The following FZD4 variants were observed in gnomAD, a reference collection of about 807,000 sequenced individuals.
FZD4 encodes the protein frizzled class receptor 4.
FZD4 carries 16 observed loss-of-function variants against 37.3 expected under a neutral mutation model. That is an observed-to-expected ratio of 0.43 (90% confidence interval 0.29 to 0.65). The LOEUF (loss-of-function observed/expected upper bound fraction) is 0.65, where lower values mean the gene tolerates loss of function less well. Ranked by LOEUF, FZD4 falls within the 30% of genes least tolerant of loss-of-function variation. FZD4 has a pLI of 0.16. For synonymous variants in FZD4, 246 were observed against 254.8 expected (o/e 0.97, Z 0.33); for missense variants, 599 against 674.3 (o/e 0.89, Z 1.24).
chr11:86,953,061 G>C (rs951912629), intron 1 of FZD4, among the ~76,000 whole-genome samples: 2 of 152,206 alleles, frequency 1.3e-5, no homozygotes, highest in Non-Finnish European at 2.9e-5. Flanking sequence ...CTAGGGATTT[G>C]TTTGGCCAGG....
At position 86,951,307 on chromosome 11, in the gene FZD4, CAT is replaced by C; in HGVS notation, c.1447_1448del (p.Met483ValfsTer51). On this transcript the variant is annotated frameshift_variant, in exon 2 of 2. Coordinates refer to ENST00000531380, the MANE Select transcript of FZD4 (RefSeq NM_012193.4). LOFTEE classifies it high-confidence loss of function. Reference sequence around the variant, plus strand: ...CTGAAGTGATGCCCACCAACAAAGACATAAAAATTTTCAACATTTCAACAGCC... The same window carrying C: ...CTGAAGTGATGCCCACCAACAAAGACAAAAATTTTCAACATTTCAACAGCC... The part of the protein sequence containing the change: ...NMAVEMLKIF[M>X]SLLVGITSGM... 1 of 1,614,112 alleles carries C rather than the reference CAT, an allele frequency of 6.2e-7. No individual in the cohort carries two copies. Among genetic ancestry groups the C allele is most frequent in the Non-Finnish European group, 8.5e-7 (1 of 1,179,994 alleles).
rs1949291925 is a variant in FZD4 at position 86,951,496 on chromosome 11, A to C, written c.1260T>G (p.Leu420=). ...TGTCTGTCTTTGTCCCATCCTTTTGAAGATTTGACCGAATTTTGAACAAGG... is the reference window on the plus strand; with the variant it reads ...TGTCTGTCTTTGTCCCATCCTTTTGCAGATTTGACCGAATTTTGAACAAGG... The part of the protein sequence containing the change: ...LVALFKIRSN[L]QKDGTKTDKL... Residue 420 remains leucine (L), a synonymous_variant, in exon 2 of 2, where the codon CTT becomes CTG. Transcript: ENST00000531380. 1.2e-6 allele frequency: 2 copies of C among 1,614,154 alleles called. No individual in the cohort carries two copies. Among genetic ancestry groups the C allele is most frequent in the African/African-American group, 1.3e-5 (1 of 75,020 alleles).
chr11:86,947,115 A>C lies in FZD4; in HGVS notation c.*4027T>G, dbSNP rs1949249868. Reference sequence around the variant, plus strand: ...CTCCTCAGGAGGCTGTGGCAGGAGAATCACTTGAACCCAGGAGGCAGAGGT... The same window carrying C: ...CTCCTCAGGAGGCTGTGGCAGGAGACTCACTTGAACCCAGGAGGCAGAGGT... On this transcript the variant is annotated 3_prime_UTR_variant, in exon 2 of 2. Coordinates refer to ENST00000531380, the MANE Select transcript of FZD4 (RefSeq NM_012193.4). The C allele has an allele frequency of 6.5e-6, 1 of 154,436 alleles. No homozygotes were observed. The highest frequency in any genetic ancestry group is 1.4e-5 in the Non-Finnish European group (1 of 69,628). The allele number at this position is 154,436 out of a possible 1,614,324, so 9.6% of individuals were successfully genotyped here.
chr11:86,955,116 C>T lies in FZD4; in HGVS notation c.-31G>A. 1.4e-6 allele frequency: 2 copies of T among 1,443,054 alleles called. No homozygotes were observed. Among genetic ancestry groups the T allele is most frequent in the Non-Finnish European group, 1.8e-6 (2 of 1,102,614 alleles). 89.4% of individuals were successfully genotyped at this position (1,443,054 alleles called of 1,614,324 possible). On this transcript the variant is annotated 5_prime_UTR_variant, in exon 1 of 2. Transcript: ENST00000531380. ...GCATCGGGGGTAGCAGCGGCAGCGG[C>T]TGGGGCTGCTCTGGCAGACACCCCC... is the stretch of plus-strand genomic sequence containing the variant.
In FZD4 at chr11:86,955,233, A is replaced by G. The variant is rs866579471; in HGVS notation, c.-148T>C. ...ACGAGGGGGCAGCGGCCGGCTCTCC[A>G]GCAGCTGCGCGCGACTGTGTGGGAT... On this transcript the variant is annotated 5_prime_UTR_variant, in exon 1 of 2. Coordinates refer to ENST00000531380, the MANE Select transcript of FZD4 (RefSeq NM_012193.4). 5.5e-5 allele frequency: 32 copies of G among 576,654 alleles called. 1 individual carries two copies. In the South Asian group the frequency reaches 5.7e-4, roughly 10 times the overall value. 35.7% of individuals were successfully genotyped at this position (576,654 alleles called of 1,614,324 possible).
chr11:86,954,374 C>A lies in FZD4; in HGVS notation c.285+427G>T, dbSNP rs545446073. ...AGCAGAAAAAGGTGCAGTAGTGTTT[C>A]ATTTAATAACACCCCAAAAATAGTG... On this transcript the variant is annotated intron_variant, in intron 1 of 1. Transcript: ENST00000531380. 2,067 of 985,246 alleles carry A rather than the reference C, an allele frequency of 2.1e-3. 3 individuals are homozygous for A. Among genetic ancestry groups the A allele is most frequent in the Admixed American group, 4.9e-3 (79 of 16,284 alleles). The allele number at this position is 985,246 out of a possible 1,614,324, so 61.0% of individuals were successfully genotyped here. A position where few individuals can be genotyped will look rare whatever the true frequency, so the allele number is the denominator to read the frequency against.
In FZD4 at chr11:86,955,043, C is replaced by G; in HGVS notation, c.43G>C (p.Gly15Arg). Reference sequence around the variant, plus strand: ...AACCCCAGACTGAGACCGACGCCCCCGGGCGCCCCCGGGACGCTCGGCCCT... The same window carrying G: ...AACCCCAGACTGAGACCGACGCCCCGGGGCGCCCCCGGGACGCTCGGCCCT... The part of the protein sequence containing the change: ...GAGPSVPGAP[G>R]GVGLSLGLLL... The change falls in exon 1 of 2, where the codon GGG (glycine) becomes CGG (arginine). Residue 15 changes from glycine (G) to arginine (R), a missense_variant. Transcript: ENST00000531380. The G allele has an allele frequency of 1.2e-6, 2 of 1,604,336 alleles. No individual in the cohort carries two copies. Among genetic ancestry groups the G allele is most frequent in the Non-Finnish European group, 1.7e-6 (2 of 1,176,386 alleles).
chr11:86,950,819 G>C lies in FZD4; in HGVS notation c.*323C>G, dbSNP rs1414407404. The C allele has an allele frequency of 7.3e-6, 3 of 411,638 alleles. No individual in the cohort carries two copies. Among genetic ancestry groups the C allele is most frequent in the Non-Finnish European group, 1.4e-5 (3 of 221,462 alleles). The allele number at this position is 411,638 out of a possible 1,614,324, so 25.5% of individuals were successfully genotyped here. A position where few individuals can be genotyped will look rare whatever the true frequency, so the allele number is the denominator to read the frequency against. On this transcript the variant is annotated 3_prime_UTR_variant, in exon 2 of 2. Coordinates refer to ENST00000531380, the MANE Select transcript of FZD4 (RefSeq NM_012193.4). ...AAATCCCACCCTGCAGGGGAAAACA[G>C]TATCGCCCTGGACTTCCTGGAATCT...
chr11:86,953,262 A>C (rs1217120595), intron 1 of FZD4, among the ~76,000 whole-genome samples: 4 of 152,220 alleles, frequency 2.6e-5, no homozygotes, highest in Non-Finnish European at 5.9e-5. Context: ...CAGCATGTAA[A>C]GGGATCCAGT....
Position 86,955,187 on chromosome 11 carries a change from G to C in FZD4, c.-102C>G. 1 of 929,760 alleles carries C rather than the reference G, an allele frequency of 1.1e-6. No individual in the cohort carries two copies. Among genetic ancestry groups the C allele is most frequent in the Non-Finnish European group, 1.5e-6 (1 of 668,424 alleles). The allele number at this position is 929,760 out of a possible 1,614,324, so 57.6% of individuals were successfully genotyped here. ...CTGCCCGCGCTGCTCCCAGCTCCCG[G>C]GACGGGAGTGTGATGCGGCGACGAG... On this transcript the variant is annotated 5_prime_UTR_variant, in exon 1 of 2. Transcript: ENST00000531380.
rs1169755179 is a variant in FZD4, at chr11:86,945,886, C to T, written c.*5256G>A. 2.0e-5 allele frequency: 3 copies of T among 152,614 alleles called. No individual in the cohort carries two copies. The allele number at this position is 152,614 out of a possible 1,614,324, so 9.5% of individuals were successfully genotyped here. A position where few individuals can be genotyped will look rare whatever the true frequency, so the allele number is the denominator to read the frequency against. On this transcript the variant is annotated 3_prime_UTR_variant, in exon 2 of 2. Coordinates refer to ENST00000531380, the MANE Select transcript of FZD4 (RefSeq NM_012193.4). ...GTTTGCCTGGTACCTCTTTGTCAAA[C>T]ATCTGAAAGTCCCCCAGATTGGCTT...
Position 86,946,943 on chromosome 11 carries a change from C to A in FZD4, c.*4199G>T, listed in dbSNP as rs910066522. 1.3e-5 allele frequency: 2 copies of A among 152,400 alleles called. No individual in the cohort carries two copies. Among genetic ancestry groups the A allele is most frequent in the African/African-American group, 4.8e-5 (2 of 41,452 alleles). 9.4% of individuals were successfully genotyped at this position (152,400 alleles called of 1,614,324 possible). A position where few individuals can be genotyped will look rare whatever the true frequency, so the allele number is the denominator to read the frequency against. On this transcript the variant is annotated 3_prime_UTR_variant, in exon 2 of 2. Transcript: ENST00000531380. Reference sequence around the variant, plus strand: ...CTTCCAGGCCAGGTGTGGTGGCTCACACTTGTAATCCCAGCACTTTGGGAG... The same window carrying A: ...CTTCCAGGCCAGGTGTGGTGGCTCAAACTTGTAATCCCAGCACTTTGGGAG...
In FZD4 at chr11:86,952,100, G is replaced by C. The variant is rs1277181438; in HGVS notation, c.656C>G (p.Thr219Ser). The C allele has an allele frequency of 1.9e-6, 3 of 1,614,124 alleles. No individual in the cohort carries two copies. The highest frequency in any genetic ancestry group is 2.2e-5 in the South Asian group (2 of 91,076). The change falls in exon 2 of 2, where the codon ACT becomes AGT. Residue 219 changes from threonine (T) to serine (S), a missense_variant. Thr to Ser is a moderately conservative substitution (Grantham distance 58). This residue lies in a region of FZD4 where 357 missense variants were observed against 396.1 expected (regional missense o/e 0.90). Coordinates refer to ENST00000531380, the MANE Select transcript of FZD4 (RefSeq NM_012193.4). ...GGCCCACACAGCCATCCAGATATCAGTGAACTCCTTGGCTGAGCGGCTGTA... is the reference window on the plus strand; with the variant it reads ...GGCCCACACAGCCATCCAGATATCACTGAACTCCTTGGCTGAGCGGCTGTA... ...GLYSRSAKEF[T>S]DIWMAVWASL... is the part of the protein sequence containing the mutation.
Position 86,950,490 on chromosome 11 carries a change from C to A in FZD4, c.*652G>T, listed in dbSNP as rs1472498037. Reference sequence around the variant, plus strand: ...ACAGAGAAGAAAAATCCACTGGATACCTTATGTGTGTGAGTACAGTACTTT... The same window carrying A: ...ACAGAGAAGAAAAATCCACTGGATAACTTATGTGTGTGAGTACAGTACTTT... On this transcript the variant is annotated 3_prime_UTR_variant, in exon 2 of 2. Transcript: ENST00000531380. The A allele has an allele frequency of 6.5e-6, 1 of 154,050 alleles. No homozygotes were observed. The highest frequency in any genetic ancestry group is 1.4e-5 in the Non-Finnish European group (1 of 69,022). The allele number at this position is 154,050 out of a possible 1,614,324, so 9.5% of individuals were successfully genotyped here. A position where few individuals can be genotyped will look rare whatever the true frequency, so the allele number is the denominator to read the frequency against.
Position 86,946,859 on chromosome 11 carries a change from T to C in FZD4, c.*4283A>G, listed in dbSNP as rs1226356444. 6.6e-6 allele frequency: 1 copy of C among 152,220 alleles called. No individual in the cohort carries two copies. Among genetic ancestry groups the C allele is most frequent in the Non-Finnish European group, 1.5e-5 (1 of 68,066 alleles). 9.4% of individuals were successfully genotyped at this position (152,220 alleles called of 1,614,324 possible). A position where few individuals can be genotyped will look rare whatever the true frequency, so the allele number is the denominator to read the frequency against. ...ACATGATTGACTGGAATAGCAACTC[T>C]CTCCAGTGTCCTCCATCACAGAACA... On this transcript the variant is annotated 3_prime_UTR_variant, in exon 2 of 2. Transcript: ENST00000531380.
Position 86,950,945 on chromosome 11 carries a change from C to T in FZD4, c.*197G>A. 1.6e-6 allele frequency: 1 copy of T among 642,698 alleles called. No homozygotes were observed. The allele number at this position is 642,698 out of a possible 1,614,324, so 39.8% of individuals were successfully genotyped here. A position where few individuals can be genotyped will look rare whatever the true frequency, so the allele number is the denominator to read the frequency against. ...TCTAACTGGCTTTTCCATTTTGGAT[C>T]ATTCCAAAGTCTGCAGCAAAATCAT... is the stretch of plus-strand genomic sequence containing the variant. On this transcript the variant is annotated 3_prime_UTR_variant, in exon 2 of 2. Coordinates refer to ENST00000531380, the MANE Select transcript of FZD4 (RefSeq NM_012193.4).
In FZD4 at chr11:86,951,617, C is replaced by A. The variant is rs1949293411; in HGVS notation, c.1139G>T (p.Gly380Val). ...ADELTGLCYV[G>V]NQNLDALTGF... The stretch of plus-strand genomic sequence containing the variant: ...GGTGAGGGCATCGAGATTTTGGTTT[C>A]CAACATAGCACAAGCCAGTCAGTTC... The change falls in exon 2 of 2, where the codon GGA becomes GTA. Residue 380 changes from glycine (G) to valine (V), a missense_variant. Around this residue, in one of 3 missense-constraint regions of FZD4, gnomAD observed 203 missense variants for 196.8 expected, o/e 1.03. Coordinates refer to ENST00000531380, the MANE Select transcript of FZD4 (RefSeq NM_012193.4). 6.2e-7 allele frequency: 1 copy of A among 1,614,066 alleles called. No individual in the cohort carries two copies. Among genetic ancestry groups the A allele is most frequent in the Admixed American group, 1.7e-5 (1 of 59,996 alleles).
chr11:86,951,049 T>A lies in FZD4; in HGVS notation c.*93A>T. On this transcript the variant is annotated 3_prime_UTR_variant, in exon 2 of 2. Transcript: ENST00000531380. ...TTAATTGTTGCTAGTTTGTTCAAAC[T>A]GAGATTCACTGCATAAAACTTTTAG... 5.9e-6 allele frequency: 8 copies of A among 1,351,744 alleles called. No homozygotes were observed. The highest frequency in any genetic ancestry group is 8.5e-6 in the Non-Finnish European group (8 of 942,918). The allele number at this position is 1,351,744 out of a possible 1,614,324, so 83.7% of individuals were successfully genotyped here. A position where few individuals can be genotyped will look rare whatever the true frequency, so the allele number is the denominator to read the frequency against.
Position 86,949,085 on chromosome 11 carries a change from C to T in FZD4, c.*2057G>A, listed in dbSNP as rs1295839682. 1.3e-5 allele frequency: 2 copies of T among 152,234 alleles called. No homozygotes were observed. The highest frequency in any genetic ancestry group is 1.3e-4 in the Admixed American group (2 of 15,282). The allele number at this position is 152,234 out of a possible 1,614,324, so 9.4% of individuals were successfully genotyped here. On this transcript the variant is annotated 3_prime_UTR_variant, in exon 2 of 2. Coordinates refer to ENST00000531380, the MANE Select transcript of FZD4 (RefSeq NM_012193.4). ...AATGGTTCTTCTGGGGATCAATTCT[C>T]ATGCTCCTGGAGCCTGACCTAGAGT...
Sources: allele counts gnomAD v4.1 joint callset (sites outside exome capture counted in the v4.1 genomes callset), GRCh38; gene constraint gnomAD v4.1.1; regional missense constraint gnomAD v4.1.1; transcripts MANE v1.5; gene names NCBI Gene and HGNC (gene_info 2026-07-23, HGNC 2026-07-21).